Variants in ARL15 observed in about 807,000 individuals in gnomAD.
ARL15 encodes ADP-ribosylation factor-like protein 15.
A neutral mutation model predicts 25.2 loss-of-function variants in ARL15; 19 were observed. That is an observed-to-expected ratio of 0.75 (90% CI 0.53 to 1.10). The LOEUF is 1.10. ARL15 is among the 50% of genes least tolerant of loss of function. The pLI, the probability that ARL15 is intolerant of heterozygous loss-of-function variation, is 0.00. For synonymous variants in ARL15, 94 were observed against 86.8 expected, an observed-to-expected ratio of 1.08 and a Z score of -0.46; for missense variants, 220 against 246.0, an observed-to-expected ratio of 0.89 and a Z score of 0.71.
intron 4 of ARL15, among the ~76,000 whole-genome samples, chr5:54,052,831 G>A (rs1032229525): frequency 4.6e-5 from 7 of 152,080 alleles, no homozygotes; most frequent in South Asian, 4.1e-4. Context: ...CACAGGGCAC[G>A]CAGATCTTGG....
chr5:54,028,163 C>T (rs552664812), intron 4 of ARL15, among the ~76,000 whole-genome samples: 13 of 152,154 alleles, frequency 8.5e-5, no homozygotes, highest in African/African-American at 2.4e-4. Flanking sequence ...ACTTGTGATC[C>T]GCCTGTCTCG....
intron 4 of ARL15, among the ~76,000 whole-genome samples, chr5:54,094,684 A>G (rs1752232050): frequency 6.6e-6 from 1 of 152,208 alleles, no homozygotes; most frequent in Admixed American, 6.5e-5. Context: ...ACAGTTCTGA[A>G]AACTACCCAC....
At chr5:53,951,233 T>G (rs929233460) in intron 4 of ARL15, among the ~76,000 whole-genome samples, 34 of 152,212 alleles carry the variant, frequency 2.2e-4, no homozygotes, top group African/African-American at 7.0e-4. Context: ...AGCCTATATT[T>G]ACAATCTGAC....
chr5:53,916,331 G>A (rs1033989749), intron 4 of ARL15, among the ~76,000 whole-genome samples: 2 of 148,794 alleles, frequency 1.3e-5, no homozygotes, highest in African/African-American at 2.5e-5. Flanking sequence ...TAGGTTCCAC[G>A]ATAGACACCA....
intron 1 of ARL15, among the ~76,000 whole-genome samples, chr5:54,293,214 C>G (rs1758377990): frequency 6.6e-6 from 1 of 152,058 alleles, no homozygotes; most frequent in African/African-American, 2.4e-5. Context: ...CCTGTTTTTC[C>G]TCAATGCTAC....
intron 1 of ARL15, among the ~76,000 whole-genome samples, chr5:54,172,324 C>A (rs1754744563): frequency 6.6e-6 from 1 of 150,976 alleles, no homozygotes; most frequent in Admixed American, 6.6e-5. Flanking sequence ...TCTTAAAAGT[C>A]AAAGAAAGAC....
rs1039833820 is a variant in ARL15 at position 54,173,349 on chromosome 5, T to C, written c.49-1421A>G. On this transcript the variant is annotated intron_variant, in intron 1 of 4. Coordinates refer to ENST00000504924, the MANE Select transcript of ARL15 (RefSeq NM_019087.3). The stretch of plus-strand genomic sequence containing the variant: ...CCTGAAACATTTAGACCCTGAATGA[T>C]TCATGAGAGAAAGAGGGAAAGGGGG... 9.9e-5 allele frequency among the ~76,000 whole-genome samples: 15 copies of C among 152,030 alleles called. No individual in the cohort carries two copies. The South Asian group carries it at 1.5e-3, about 15-fold the overall frequency.
intron 3 of ARL15, among the ~76,000 whole-genome samples, chr5:54,134,459 A>G (rs1324965790): frequency 6.6e-6 from 1 of 151,772 alleles, no homozygotes; most frequent in African/African-American, 2.4e-5. Flanking sequence ...TGGTTTTCAC[A>G]GCACTTCACA....
rs891019308 is a variant in ARL15, at chr5:54,081,951, A to T, written c.462+31251T>A. ...TACTAAAAATACAAAATTAGCCGGG[A>T]GTGATGGCGGGCACCTGTAATCCCA... On this transcript the variant is annotated intron_variant, in intron 4 of 4. Transcript: ENST00000504924. Among the ~76,000 whole-genome samples the T allele has an allele frequency of 1.2e-4, 14 of 116,060 alleles. No homozygotes were observed. The Admixed American group carries it at 1.2e-3, about 10-fold the overall frequency. The allele number at this position is 116,060 out of a possible 152,430, so 76.1% of individuals were successfully genotyped here. A position where few individuals can be genotyped will look rare whatever the true frequency, so the allele number is the denominator to read the frequency against.
intron 4 of ARL15, among the ~76,000 whole-genome samples, chr5:53,995,058 C>T (rs1032843617): frequency 6.6e-6 from 1 of 152,068 alleles, no homozygotes; most frequent in Non-Finnish European, 1.5e-5. Context: ...TGCCTGTAAT[C>T]CCAGCACTTT....
At chr5:54,281,602 T>C (rs1306785246) in intron 1 of ARL15, among the ~76,000 whole-genome samples, 1 of 152,186 alleles carries the variant, frequency 6.6e-6, no homozygotes, top group Non-Finnish European at 1.5e-5. Flanking sequence ...TCACCACCAG[T>C]TGTGACAACC....
chr5:54,200,487 C>T (rs1280777882), intron 1 of ARL15, among the ~76,000 whole-genome samples: 1 of 151,854 alleles, frequency 6.6e-6, no homozygotes, highest in Admixed American at 6.6e-5. Context: ...GAAGGAAAAA[C>T]TTATGCCATG....
intron 4 of ARL15, among the ~76,000 whole-genome samples, chr5:53,995,589 G>C (rs1233105999): frequency 6.6e-6 from 1 of 152,162 alleles, no homozygotes; most frequent in Non-Finnish European, 1.5e-5. Flanking sequence ...AATAGCTATA[G>C]ATTACTCATC....
chr5:53,920,826 G>A (rs780787307), intron 4 of ARL15, among the ~76,000 whole-genome samples: 21 of 152,196 alleles, frequency 1.4e-4, no homozygotes, highest in Non-Finnish European at 2.4e-4. Context: ...AGGGTTGGCT[G>A]TAGCCAGGTG....
chr5:54,267,659 C>G (rs1292270885), intron 1 of ARL15, among the ~76,000 whole-genome samples: 1 of 151,994 alleles, frequency 6.6e-6, no homozygotes, highest in Non-Finnish European at 1.5e-5. Flanking sequence ...AAAGAACAAG[C>G]CTGGTGGTGA....
intron 3 of ARL15, among the ~76,000 whole-genome samples, chr5:54,136,583 A>G (rs554479117): frequency 2.0e-5 from 3 of 152,204 alleles, no homozygotes; most frequent in Non-Finnish European, 4.4e-5. Flanking sequence ...AAAAAAAAAC[A>G]TACATTAAAA....
chr5:54,190,874 T>C (rs1755378734), intron 1 of ARL15, among the ~76,000 whole-genome samples: 1 of 152,140 alleles, frequency 6.6e-6, no homozygotes, highest in South Asian at 2.1e-4. Context: ...TAAAATGATA[T>C]AGCCACTGTG....
chr5:54,306,435 G>A (rs1232821672), intron 1 of ARL15, among the ~76,000 whole-genome samples: 2 of 136,494 alleles, frequency 1.5e-5, no homozygotes, highest in African/African-American at 2.8e-5. Flanking sequence ...TCACTCTGTC[G>A]CCCAGGCTGG....
In ARL15 at chr5:54,094,425, CA is replaced by C. The variant is rs1194442107; in HGVS notation, c.462+18776del. Among the ~76,000 whole-genome samples, 741 of 111,846 alleles carry C rather than the reference CA, an allele frequency of 6.6e-3. 2 individuals carry two copies. Among genetic ancestry groups the C allele is most frequent in the African/African-American group, 0.022 (657 of 30,302 alleles). 73.4% of individuals were successfully genotyped at this position (111,846 alleles called of 152,430 possible). ...TTCCCAACTAAGATATAACATAGCA[CA>C]AAAAAAAAAAACCAGTAATGATATA... On this transcript the variant is annotated intron_variant, in intron 4 of 4. Transcript: ENST00000504924.
Sources: allele counts gnomAD v4.1 joint callset (sites outside exome capture counted in the v4.1 genomes callset), GRCh38; gene constraint gnomAD v4.1.1; transcripts MANE v1.5; gene names NCBI Gene and HGNC (gene_info 2026-07-23, HGNC 2026-07-21).